Variants in PDE1A observed in about 807,000 individuals in gnomAD.
The protein encoded by PDE1A is dual specificity calcium/calmodulin-dependent 3',5'-cyclic nucleotide phosphodiesterase 1A.
Under a neutral mutation model 61.7 loss-of-function variants are expected in PDE1A, and 35 were observed. That is an observed-to-expected ratio of 0.57 (90% CI 0.43 to 0.75). PDE1A has a LOEUF of 0.75. Ranked by LOEUF, PDE1A falls within the 30% of genes least tolerant of loss-of-function variation. PDE1A has a pLI of 0.00. For missense variants in PDE1A, 597 were observed against 630.6 expected, an observed-to-expected ratio of 0.95 and a Z score of 0.57; for synonymous variants, 232 against 213.2, an observed-to-expected ratio of 1.09 and a Z score of -0.77.
chr2:182,692,585 G>C, the PDE1A span, among the ~76,000 whole-genome samples: 15 of 151,654 alleles, frequency 9.9e-5, no homozygotes, highest in African/African-American at 3.1e-4. Flanking sequence ...GAGTTAATGG[G>C]TGCAGCACAC....
chr2:182,376,654 G>A (rs556263324), intron 1 of PDE1A, among the ~76,000 whole-genome samples: 1 of 152,060 alleles, frequency 6.6e-6, no homozygotes, highest in African/African-American at 2.4e-5. Flanking sequence ...ACATTTTCGG[G>A]TATCTTTTCA....
At chr2:182,471,486 TGAGTGTAG>T (rs1187551283) in intron 2 of PDE1A, among the ~76,000 whole-genome samples, 1 of 151,764 alleles carries the variant, frequency 6.6e-6, no homozygotes, top group Non-Finnish European at 1.5e-5. Flanking sequence ...AACTAGTTTT[TGAGTGTAG>T]GATAGAAGGT....
intron 2 of PDE1A, among the ~76,000 whole-genome samples, chr2:182,467,859 C>A (rs920698748): frequency 6.6e-6 from 1 of 151,886 alleles, no homozygotes; most frequent in Non-Finnish European, 1.5e-5. Flanking sequence ...ATAAAGCTAA[C>A]ATAATAAAAT....
At chr2:182,256,038 C>CTTTTTTTTTTTTTTTTTTTTTTTTTTTT (rs755211798) in intron 2 of PDE1A, among the ~76,000 whole-genome samples, 9 of 92,336 alleles carry the variant, frequency 9.7e-5, no homozygotes, top group East Asian at 3.3e-4. Context: ...AGGATGACTT[C>CTTTTTTTTTTTTTTTTTTTTTTTTTTTT]TTTTTTTTTT....
intron 2 of PDE1A, among the ~76,000 whole-genome samples, chr2:182,450,060 A>G (rs1002048591): frequency 6.6e-6 from 1 of 152,168 alleles, no homozygotes; most frequent in Non-Finnish European, 1.5e-5. Context: ...AGATTAAATA[A>G]AAGAAATATA....
At chr2:182,422,748 A>G (rs1703361353) in intron 1 of PDE1A, among the ~76,000 whole-genome samples, 1 of 152,194 alleles carries the variant, frequency 6.6e-6, no homozygotes, top group Non-Finnish European at 1.5e-5. Flanking sequence ...AGAGATAAAG[A>G]TCTCTGGGAA....
chr2:182,442,569 A>G lies in PDE1A; in HGVS notation c.101+79707T>C, dbSNP rs556302606. On this transcript the variant is annotated intron_variant, in intron 2 of 14. Coordinates refer to the PDE1A transcript ENST00000410103. ...TATATGCATTGTGTAATACATATTT[A>G]ATTTTATTCTATTCATATAATAAAC... Among the ~76,000 whole-genome samples, 169 of 152,188 alleles carry G rather than the reference A, an allele frequency of 1.1e-3. 1 individual carries two copies. Among genetic ancestry groups the G allele is most frequent in the Middle Eastern group, 0.01 (3 of 294 alleles).
intron 1 of PDE1A, among the ~76,000 whole-genome samples, chr2:182,384,004 G>A (rs759548783): frequency 3.9e-5 from 6 of 152,136 alleles, no homozygotes; most frequent in Non-Finnish European, 8.8e-5. Flanking sequence ...CCATATTGGA[G>A]CACACAGCCC....
the PDE1A span, among the ~76,000 whole-genome samples, chr2:182,671,967 A>G: frequency 6.6e-6 from 1 of 152,112 alleles, no homozygotes; most frequent in African/African-American, 2.4e-5. Flanking sequence ...TACACCCCGC[A>G]ATACTCCCCT....
chr2:182,244,901 T>A (rs773889373), intron 2 of PDE1A, among the ~76,000 whole-genome samples: 6 of 152,200 alleles, frequency 3.9e-5, no homozygotes, highest in South Asian at 2.1e-4. Flanking sequence ...AACTTTCTCT[T>A]CAGCTGACAG....
chr2:182,319,488 T>C (rs771747013), intron 1 of PDE1A, among the ~76,000 whole-genome samples: 9 of 152,208 alleles, frequency 5.9e-5, no homozygotes, highest in African/African-American at 2.2e-4. Flanking sequence ...AGTGTATCTT[T>C]ATTTACTCCT....
At chr2:182,328,580 G>A (rs2124918610) in intron 1 of PDE1A, among the ~76,000 whole-genome samples, 1 of 152,278 alleles carries the variant, frequency 6.6e-6, no homozygotes, top group Middle Eastern at 3.4e-3. Flanking sequence ...GAGGGAACTT[G>A]AAGGACGAGA....
intron 2 of PDE1A, among the ~76,000 whole-genome samples, chr2:182,507,403 G>T (rs1225650079): frequency 6.6e-6 from 1 of 152,178 alleles, no homozygotes; most frequent in Non-Finnish European, 1.5e-5. Context: ...TTAACTGTTT[G>T]GTTTAGAGGG....
intron 1 of PDE1A, among the ~76,000 whole-genome samples, chr2:182,274,120 C>T (rs1381777970): frequency 1.3e-5 from 2 of 151,996 alleles, no homozygotes; most frequent in Non-Finnish European, 2.9e-5. Flanking sequence ...ACACTAATCC[C>T]ATTCAGGAGA....
the PDE1A span, among the ~76,000 whole-genome samples, chr2:182,609,526 A>C: frequency 6.6e-6 from 1 of 152,188 alleles, no homozygotes; most frequent in African/African-American, 2.4e-5. Flanking sequence ...AGCCAGCAAG[A>C]CCACGAACCC....
intron 1 of PDE1A, among the ~76,000 whole-genome samples, chr2:182,321,971 T>C (rs917222307): frequency 2.6e-4 from 39 of 152,194 alleles, no homozygotes; most frequent in African/African-American, 8.4e-4. Flanking sequence ...TGTTTTACTC[T>C]GGATTTAAAA....
chr2:182,651,650 T>A, the PDE1A span, among the ~76,000 whole-genome samples: 1 of 152,242 alleles, frequency 6.6e-6, no homozygotes, highest in African/African-American at 2.4e-5. Context: ...TTCATTTCAG[T>A]CCATAAGTTA....
chr2:182,618,750 T>G, the PDE1A span, among the ~76,000 whole-genome samples: 3 of 152,324 alleles, frequency 2.0e-5, no homozygotes, highest in East Asian at 1.9e-4. Flanking sequence ...AAGATTCAAC[T>G]GAAAAATTAT....
At chr2:182,484,298 CT>C (rs1422135904) in intron 2 of PDE1A, among the ~76,000 whole-genome samples, 1 of 151,908 alleles carries the variant, frequency 6.6e-6, no homozygotes, top group Non-Finnish European at 1.5e-5. Flanking sequence ...TAGAACAATA[CT>C]TTTCATAAAC....
Sources: allele counts gnomAD v4.1 joint callset (sites outside exome capture counted in the v4.1 genomes callset), GRCh38; gene constraint gnomAD v4.1.1; transcripts MANE v1.5; gene names NCBI Gene and HGNC (gene_info 2026-07-23, HGNC 2026-07-21).